The following DNAJB6 variants were observed in gnomAD, a reference collection of about 807,000 sequenced individuals.
The protein encoded by DNAJB6 is DnaJ heat shock protein family (Hsp40) member B6, also known as dnaJ homolog subfamily B member 6.
DNAJB6 carries 16 observed loss-of-function variants against 42.7 expected under a neutral mutation model. That is an observed-to-expected ratio of 0.37 (90% CI 0.25 to 0.57). DNAJB6 has a LOEUF of 0.57. Among genes scored for constraint, DNAJB6 ranks in the 20% least tolerant of loss-of-function variants. DNAJB6 has a pLI of 0.74. For missense variants in DNAJB6, 347 were observed against 416.8 expected (o/e 0.83, Z 1.46); for synonymous variants, 170 against 163.5 (o/e 1.04, Z -0.30).
In DNAJB6 at chr7:157,398,984, T is replaced by C. The variant is rs149035501; in HGVS notation, c.692-10811T>C. 7.4e-3 allele frequency among the ~76,000 whole-genome samples: 1,123 copies of C among 152,364 alleles called. 26 individuals are homozygous for C. The highest frequency in any genetic ancestry group is 0.052 in the Admixed American group (800 of 15,308). On this transcript the variant is annotated intron_variant, in intron 8 of 9. Coordinates refer to ENST00000262177, the MANE Select transcript of DNAJB6 (RefSeq NM_058246.4). ...TTACATGGAAAGTTTTAAAAGGCTA[T>C]ATAGAAAGATTTTAGAAAATGGTTG...
chr7:157,381,777 G>GTGTGTGTGTGTGTGTGT (rs1563136627), intron 5 of DNAJB6: 2 of 77,090 alleles, frequency 2.6e-5, no homozygotes, highest in East Asian at 1.1e-3. Flanking sequence ...TGTGTGTGTG[G>GTGTGTGTGTGTGTGTGT]GCGCGCGCAT....
In DNAJB6 at chr7:157,340,995, T is replaced by TGCGC. The variant is rs751064853; in HGVS notation, c.-27+3852_-27+3853insCGCG. Among the ~76,000 whole-genome samples, 510 of 99,824 alleles carry TGCGC rather than the reference T, an allele frequency of 5.1e-3. 4 individuals are homozygous for TGCGC. The highest frequency in any genetic ancestry group is 0.016 in the African/African-American group (438 of 27,822). 65.5% of individuals were successfully genotyped at this position (99,824 alleles called of 152,430 possible). ...GTGTGTGTGTGTGTGTGTGTGTGTGTGTGCGCGCGCGCAGGTGGAATCACC... is the reference window on the plus strand; with the variant it reads ...GTGTGTGTGTGTGTGTGTGTGTGTGTGCGCGTGCGCGCGCGCAGGTGGAATCACC... On this transcript the variant is annotated intron_variant, in intron 1 of 9. Coordinates refer to ENST00000262177, the MANE Select transcript of DNAJB6 (RefSeq NM_058246.4).
At chr7:157,398,014 A>C (rs545282467) in intron 8 of DNAJB6, among the ~76,000 whole-genome samples, 9 of 152,242 alleles carry the variant, frequency 5.9e-5, no homozygotes, top group Non-Finnish European at 1.2e-4. Flanking sequence ...TCTTGTCTCA[A>C]AACAAACAAA....
intron 8 of DNAJB6, among the ~76,000 whole-genome samples, chr7:157,401,227 CT>C (rs963838440): frequency 2.6e-5 from 4 of 151,224 alleles, no homozygotes; most frequent in Admixed American, 1.3e-4. Context: ...TTTCTTTTTT[CT>C]TTTTTTTTGA....
intron 8 of DNAJB6, among the ~76,000 whole-genome samples, chr7:157,397,735 AT>A (rs1432457054): frequency 1.3e-5 from 2 of 152,182 alleles, no homozygotes; most frequent in Non-Finnish European, 1.5e-5. Context: ...ATAAGTAGCC[AT>A]GAAGAGTTAA....
chr7:157,382,858 A>G (rs1226611608), intron 6 of DNAJB6: 1 of 152,430 alleles, frequency 6.6e-6, no homozygotes, highest in African/African-American at 2.4e-5. Context: ...GTAGCTCTTC[A>G]TAGTTCACCG....
intron 1 of DNAJB6, among the ~76,000 whole-genome samples, chr7:157,346,273 C>T (rs1798678470): frequency 1.4e-5 from 2 of 141,786 alleles, no homozygotes; most frequent in Admixed American, 1.6e-4. Flanking sequence ...TAGGCTACTC[C>T]GGGCACACTG....
chr7:157,409,894 G>A lies in DNAJB6; in HGVS notation c.791G>A (p.Arg264Gln), dbSNP rs969715884. Residue 264 changes from arginine (R) to glutamine (Q), a missense_variant, in exon 9 of 10, where the codon CGG (arginine) becomes CAG (glutamine). Physicochemically the swap from Arg to Gln is conservative, Grantham distance 43. Around this residue, in one of 3 missense-constraint regions of DNAJB6, gnomAD observed 264 missense variants for 288.0 expected, o/e 0.92. Transcript: ENST00000262177. ...PAGLRPPKPPRPASLLRHAPH... is the reference protein window; with the variant it reads ...PAGLRPPKPPQPASLLRHAPH... ...GGCCTCCGCCCGCCGAAGCCGCCCC[G>A]GCCTGCCTCGCTGCTGAGACACGCG... is the stretch of plus-strand genomic sequence containing the variant. 87 of 1,533,996 alleles carry A rather than the reference G, an allele frequency of 5.7e-5. No homozygotes were observed. Among genetic ancestry groups the A allele is most frequent in the Non-Finnish European group, 7.5e-5 (86 of 1,145,666 alleles).
chr7:157,357,248 TTC>T (rs1799335515), intron 1 of DNAJB6, among the ~76,000 whole-genome samples: 2 of 79,420 alleles, frequency 2.5e-5, no homozygotes, highest in South Asian at 4.1e-4. Flanking sequence ...CCTTCCTTCC[TTC>T]CTTCCTTCCT....
Position 157,360,319 on chromosome 7 carries a change from G to A in DNAJB6, c.65+1682G>A, listed in dbSNP as rs766197741. ...AGGCTTATTATCAGGAGAATAGCAC[G>A]GGAAAGACTAGTCCCCATGATTCAG... is the stretch of plus-strand genomic sequence containing the variant. On this transcript the variant is annotated intron_variant, in intron 2 of 9. Coordinates refer to ENST00000262177, the MANE Select transcript of DNAJB6 (RefSeq NM_058246.4). Among the ~76,000 whole-genome samples the A allele has an allele frequency of 1.3e-4, 20 of 152,244 alleles. No individual in the cohort carries two copies. The East Asian group carries it at 2.1e-3, about 16-fold the overall frequency.
At chr7:157,365,138 A>C (rs1012574167) in intron 3 of DNAJB6, among the ~76,000 whole-genome samples, 4 of 152,054 alleles carry the variant, frequency 2.6e-5, no homozygotes, top group Non-Finnish European at 5.9e-5. Context: ...ATTGTGTTTA[A>C]AGGTGGGATT....
chr7:157,362,835 A>G (rs1054016546), intron 2 of DNAJB6, among the ~76,000 whole-genome samples: 4 of 151,848 alleles, frequency 2.6e-5, no homozygotes, highest in Non-Finnish European at 4.4e-5. Flanking sequence ...ATTTTGAGAC[A>G]GTCTTGTTCT....
At chr7:157,354,935 G>A (rs921953467) in intron 1 of DNAJB6, among the ~76,000 whole-genome samples, 3 of 152,092 alleles carry the variant, frequency 2.0e-5, no homozygotes, top group Admixed American at 2.0e-4. Context: ...TTAAATTTTG[G>A]TCGTGTTCTA....
intron 1 of DNAJB6, among the ~76,000 whole-genome samples, chr7:157,353,979 G>A (rs1463119885): frequency 6.6e-6 from 1 of 151,584 alleles, no homozygotes; most frequent in East Asian, 2.0e-4. Flanking sequence ...CTGTGATTTT[G>A]GATAGCTTTT....
chr7:157,357,039 C>G (rs1202318623), intron 1 of DNAJB6, among the ~76,000 whole-genome samples: 1 of 150,480 alleles, frequency 6.6e-6, no homozygotes, highest in Non-Finnish European at 1.5e-5. Flanking sequence ...TGGCTCATGC[C>G]TGCAGTCCCA....
At chr7:157,367,550 C>T in intron 5 of DNAJB6, 67 bp downstream of exon 5, 2 of 968,158 alleles carry the variant, frequency 2.1e-6, no homozygotes, top group Non-Finnish European at 3.4e-6. Flanking sequence ...CTTAGTATGG[C>T]CTTTCTGTTG....
At chr7:157,341,134 T>C (rs924449595) in intron 1 of DNAJB6, among the ~76,000 whole-genome samples, 1 of 151,776 alleles carries the variant, frequency 6.6e-6, no homozygotes, top group African/African-American at 2.4e-5. Context: ...TTTTAGATTT[T>C]TTTGTTGTTG....
intron 6 of DNAJB6, among the ~76,000 whole-genome samples, chr7:157,383,565 G>A (rs1399041191): frequency 4.6e-5 from 7 of 151,830 alleles, no homozygotes; most frequent in Non-Finnish European, 7.4e-5. Context: ...AAAATACCAC[G>A]TAAATTGTCC....
intron 5 of DNAJB6, among the ~76,000 whole-genome samples, chr7:157,372,836 T>C (rs1422887773): frequency 2.0e-5 from 3 of 152,186 alleles, no homozygotes; most frequent in African/African-American, 7.2e-5. Context: ...ATGTGTCCCG[T>C]CTTGCTCCAG....
Sources: gnomAD v4.1 joint callset for allele counts (sites outside exome capture counted in the v4.1 genomes callset) on GRCh38, gnomAD v4.1.1 for gene constraint, gnomAD v4.1.1 regional missense constraint, MANE v1.5 for transcripts, NCBI Gene and HGNC (gene_info 2026-07-23, HGNC 2026-07-21) for gene names.